Variants in OTOGL observed in about 807,000 individuals in gnomAD.
OTOGL encodes otogelin like.
Under a neutral mutation model 318.5 loss-of-function variants are expected in OTOGL, and 285 were observed. The ratio of observed to expected loss-of-function variants is 0.89; its 90% CI spans 0.81 to 0.99. The LOEUF is 0.99. Ranked by LOEUF, OTOGL falls within the 50% of genes least tolerant of loss-of-function variation. The probability of loss-of-function intolerance (pLI) is 0.00; values close to 1 mark genes in which losing one functional copy is unlikely to be tolerated. For missense variants in OTOGL, 2,899 were observed against 2,845.6 expected (o/e 1.02, Z -0.43); for synonymous variants, 987 against 936.5 (o/e 1.05, Z -0.99).
chr12:80,147,805 T>C (rs1160445543), intron 1 of OTOGL, among the ~76,000 whole-genome samples: 3 of 152,220 alleles, frequency 2.0e-5, no homozygotes, highest in Non-Finnish European at 2.9e-5. Context: ...TTTACCATTA[T>C]ATAATGGCCT....
intron 11 of OTOGL, among the ~76,000 whole-genome samples, chr12:80,245,256 T>C (rs1377828967): frequency 4.4e-5 from 2 of 45,514 alleles, no homozygotes; most frequent in Admixed American, 5.2e-4. Flanking sequence ...TCCTGAATGG[T>C]AATGCCTAGG....
In OTOGL at chr12:80,275,465, G is replaced by A. The variant is rs534720937; in HGVS notation, c.2682-2703G>A. ...TGCTTCTTATAGATGAGCAAAAAAAGTGGTTTCTTGAGATGTGATCTATAC... is the reference window on the plus strand; with the variant it reads ...TGCTTCTTATAGATGAGCAAAAAAAATGGTTTCTTGAGATGTGATCTATAC... On this transcript the variant is annotated intron_variant, in intron 24 of 58. Transcript: ENST00000547103. 1.8e-3 allele frequency among the ~76,000 whole-genome samples: 271 copies of A among 152,030 alleles called. 1 individual carries two copies. The highest frequency in any genetic ancestry group is 6.1e-3 in the African/African-American group (252 of 41,524).
At chr12:80,328,905 T>C (rs1887884759) in intron 36 of OTOGL, 146 bp from the exon 37 acceptor site, 1 of 1,010,550 alleles carries the variant, frequency 9.9e-7, no homozygotes, top group Admixed American at 2.8e-5. Flanking sequence ...AATTACTTTT[T>C]AAATCATGTA....
At chr12:80,114,998 T>C (rs189416194) in intron 1 of OTOGL, among the ~76,000 whole-genome samples, 3 of 152,134 alleles carry the variant, frequency 2.0e-5, no homozygotes, top group East Asian at 3.9e-4. Flanking sequence ...AAGTTAGTAA[T>C]TCCTCTAACC....
chr12:80,107,329 C>T (rs1869513251), intron 1 of OTOGL, among the ~76,000 whole-genome samples: 1 of 152,068 alleles, frequency 6.6e-6, no homozygotes, highest in Non-Finnish European at 1.5e-5. Context: ...AAAAAATGCT[C>T]AACATGACTA....
At chr12:80,321,540 C>T (rs796276825) in intron 34 of OTOGL, among the ~76,000 whole-genome samples, 10 of 151,728 alleles carry the variant, frequency 6.6e-5, no homozygotes, top group South Asian at 6.3e-4. Flanking sequence ...CAAATATGCA[C>T]GTTGTGCACA....
intron 1 of OTOGL, among the ~76,000 whole-genome samples, chr12:80,185,016 T>C (rs1875187714): frequency 6.6e-6 from 1 of 152,184 alleles, no homozygotes; most frequent in African/African-American, 2.4e-5. Flanking sequence ...CGAAGTAGTA[T>C]ATCTTTTCTT....
intron 11 of OTOGL, among the ~76,000 whole-genome samples, chr12:80,250,235 A>G (rs1391868751): frequency 1.3e-5 from 2 of 152,222 alleles, no homozygotes; most frequent in South Asian, 2.1e-4. Context: ...TATTAAAGTT[A>G]TCATTCAAAA....
At chr12:80,183,271 T>C (rs1340624432) in intron 1 of OTOGL, among the ~76,000 whole-genome samples, 1 of 152,196 alleles carries the variant, frequency 6.6e-6, no homozygotes, top group Non-Finnish European at 1.5e-5. Flanking sequence ...CCTTTCTCTC[T>C]CTCTCAGCAA....
Position 80,231,284 on chromosome 12 carries a change from A to G in OTOGL, c.612-1608A>G, listed in dbSNP as rs1592579489. ...TTCCTCATATTTATAATTTTTAATA[A>G]GAATGCATTATGGCAGTAGTTAGCT... is the stretch of plus-strand genomic sequence containing the variant. On this transcript the variant is annotated intron_variant, in intron 8 of 58. Transcript: ENST00000547103. Among the ~76,000 whole-genome samples the G allele has an allele frequency of 2.6e-5, 4 of 152,286 alleles. 1 individual carries two copies. Among genetic ancestry groups the G allele is most frequent in the Admixed American group, 2.6e-4 (4 of 15,290 alleles).
At chr12:80,357,002 G>A in intron 49 of OTOGL, 88 bp downstream of exon 49, 2 of 689,158 alleles carry the variant, frequency 2.9e-6, no homozygotes, top group Non-Finnish European at 4.5e-6. Context: ...TGAGACTGAT[G>A]GCAAGCAATA....
intron 1 of OTOGL, among the ~76,000 whole-genome samples, chr12:80,172,133 G>T (rs1355314986): frequency 2.0e-5 from 3 of 151,980 alleles, no homozygotes. Flanking sequence ...TATGTACCCT[G>T]TGTTCTAGCC....
At chr12:80,284,114 C>T (rs1222909109) in intron 26 of OTOGL, among the ~76,000 whole-genome samples, 8 of 151,904 alleles carry the variant, frequency 5.3e-5, no homozygotes, top group African/African-American at 1.9e-4. Context: ...CACTTATGAG[C>T]GAGAACATGT....
chr12:80,156,843 A>G (rs1452963613), intron 1 of OTOGL, among the ~76,000 whole-genome samples: 2 of 152,182 alleles, frequency 1.3e-5, no homozygotes, highest in African/African-American at 4.8e-5. Flanking sequence ...ATGGACTCAT[A>G]GAGACACTTA....
intron 29 of OTOGL, among the ~76,000 whole-genome samples, chr12:80,307,883 C>CCCG (rs1886299878): frequency 7.4e-6 from 1 of 134,938 alleles, no homozygotes; most frequent in African/African-American, 3.2e-5. Flanking sequence ...CCCCCCACCT[C>CCCG]CCTCCCTCCC....
At chr12:80,249,378 C>T (rs1881249483) in intron 11 of OTOGL, among the ~76,000 whole-genome samples, 1 of 151,440 alleles carries the variant, frequency 6.6e-6, no homozygotes, top group Non-Finnish European at 1.5e-5. Flanking sequence ...AGTTTCCCTT[C>T]TAACAGACAG....
At chr12:80,239,563 C>A in intron 11 of OTOGL, 124 bp downstream of exon 11, 1 of 645,720 alleles carries the variant, frequency 1.5e-6, no homozygotes, top group Non-Finnish European at 2.4e-6. Context: ...AAAATATAAA[C>A]TGCAAACAGC....
At chr12:80,104,639 G>A (rs973721153) in intron 1 of OTOGL, among the ~76,000 whole-genome samples, 33 of 152,082 alleles carry the variant, frequency 2.2e-4, no homozygotes, top group African/African-American at 7.7e-4. Context: ...AGTGTTGTAG[G>A]GGTGGGAGAG....
chr12:80,328,681 C>T lies in OTOGL; in HGVS notation c.4216C>T (p.Pro1406Ser). 6.2e-7 allele frequency: 1 copy of T among 1,603,086 alleles called. No homozygotes were observed. ...CATGTAAAGGGTTGAAGGATGCTTG[C>T]CCTACTGCCCTAAAAATATGATCCT... ...KFLPPVEGCLPYCPKNMILDE... is the reference protein window; with the variant it reads ...KFLPPVEGCLSYCPKNMILDE... Residue 1406 changes from proline to serine, a missense_variant, in exon 36 of 59, where the codon CCC (proline) becomes TCC (serine). Pro to Ser is a moderately conservative substitution (Grantham distance 74). Around this residue, in one of 3 missense-constraint regions of OTOGL, gnomAD observed 2,607 missense variants for 2,524.9 expected, o/e 1.03. Transcript: ENST00000547103.
Sources: gnomAD v4.1 joint callset for allele counts (sites outside exome capture counted in the v4.1 genomes callset) on GRCh38, gnomAD v4.1.1 for gene constraint, gnomAD v4.1.1 regional missense constraint, MANE v1.5 for transcripts, NCBI Gene and HGNC (gene_info 2026-07-23, HGNC 2026-07-21) for gene names.